The following SLC2A9 variants were observed in gnomAD, a reference collection of about 807,000 sequenced individuals.
The protein encoded by SLC2A9 is solute carrier family 2 member 9.
A neutral mutation model predicts 50.6 loss-of-function variants in SLC2A9; 39 were observed. The ratio of observed to expected loss-of-function variants is 0.77; its 90% CI spans 0.60 to 1.01. The LOEUF is 1.01. SLC2A9 is among the 50% of genes least tolerant of loss of function. SLC2A9 has a pLI of 0.00. For synonymous variants in SLC2A9, 324 were observed against 276.9 expected (o/e 1.17, Z -1.69); for missense variants, 686 against 677.6 (o/e 1.01, Z -0.14).
chr4:9,829,859 A>C (rs1473113711), intron 11 of SLC2A9, among the ~76,000 whole-genome samples: 1 of 152,194 alleles, frequency 6.6e-6, no homozygotes, highest in East Asian at 1.9e-4. Flanking sequence ...AAAGTCAAGA[A>C]ACAACAGATG....
chr4:10,000,880 G>A lies in SLC2A9; in HGVS notation c.250-3939C>T, dbSNP rs552129563. On this transcript the variant is annotated intron_variant, in intron 2 of 11. Transcript: ENST00000264784. ...CTCCAGTTGCTCAGCCAAAAACCAC[G>A]AAGTCATTCTTAACTCCTGCCCTTG... Among the ~76,000 whole-genome samples, 25 of 152,178 alleles carry A rather than the reference G, an allele frequency of 1.6e-4. No individual in the cohort carries two copies. The South Asian group carries it at 2.3e-3, about 14-fold the overall frequency.
downstream of SLC2A9, among the ~76,000 whole-genome samples, chr4:9,823,315 G>A (rs1724663171): frequency 6.6e-6 from 1 of 152,166 alleles, no homozygotes; most frequent in Non-Finnish European, 1.5e-5. Flanking sequence ...GATACAGGGT[G>A]CTGTAAGCGG....
chr4:9,838,608 T>G lies in SLC2A9; in HGVS notation c.1292-3600A>C, dbSNP rs114216739. On this transcript the variant is annotated intron_variant, in intron 10 of 11. Transcript: ENST00000264784. ...CATACTACCTGACTTAAAACAATAC[T>G]ACAGAATTATAGTAACCAAAACAGC... Among the ~76,000 whole-genome samples the G allele has an allele frequency of 5.6e-3, 854 of 152,220 alleles. 9 individuals carry two copies. The highest frequency in any genetic ancestry group is 0.019 in the African/African-American group (807 of 41,546).
At chr4:9,862,340 T>C (rs907184585) in intron 10 of SLC2A9, among the ~76,000 whole-genome samples, 2 of 152,070 alleles carry the variant, frequency 1.3e-5, no homozygotes, top group African/African-American at 4.8e-5. Context: ...CAACGTTCTT[T>C]TCCTTTGTCT....
chr4:9,986,963 A>G (rs1399973071), intron 3 of SLC2A9, among the ~76,000 whole-genome samples: 1 of 152,114 alleles, frequency 6.6e-6, no homozygotes, highest in Non-Finnish European at 1.5e-5. Flanking sequence ...AAAAGCCCAC[A>G]TTTATTGAAC....
At chr4:9,849,430 T>C (rs1426709287) in intron 10 of SLC2A9, among the ~76,000 whole-genome samples, 1 of 152,240 alleles carries the variant, frequency 6.6e-6, no homozygotes, top group Non-Finnish European at 1.5e-5. Context: ...GGATCAGTCA[T>C]GAGACTTAGA....
At chr4:9,874,628 C>T (rs1236328216) in intron 10 of SLC2A9, among the ~76,000 whole-genome samples, 1 of 152,198 alleles carries the variant, frequency 6.6e-6, no homozygotes, top group Non-Finnish European at 1.5e-5. Context: ...GTTGTGTAAT[C>T]CCAGCTGTGT....
At chr4:9,974,237 C>A (rs1358066484) in intron 5 of SLC2A9, among the ~76,000 whole-genome samples, 1 of 152,142 alleles carries the variant, frequency 6.6e-6, no homozygotes, top group South Asian at 2.1e-4. Flanking sequence ...AGACAAGGTG[C>A]CCACTCTCAC....
intron 8 of SLC2A9, among the ~76,000 whole-genome samples, chr4:9,907,196 T>A (rs567010774): frequency 6.6e-6 from 1 of 152,242 alleles, no homozygotes; most frequent in Non-Finnish European, 1.5e-5. Flanking sequence ...GGAGCCTAAC[T>A]GTGTGCTGTG....
chr4:9,839,779 GAACA>G (rs1727727506), intron 10 of SLC2A9, among the ~76,000 whole-genome samples: 1 of 152,088 alleles, frequency 6.6e-6, no homozygotes, highest in Non-Finnish European at 1.5e-5. Context: ...TAAATGATGA[GAACA>G]AATGGACACA....
At chr4:9,830,796 C>G (rs1726005498) in intron 11 of SLC2A9, among the ~76,000 whole-genome samples, 1 of 152,208 alleles carries the variant, frequency 6.6e-6, no homozygotes, top group Non-Finnish European at 1.5e-5. Flanking sequence ...CCAAGCAACA[C>G]TGATGCTGAC....
intron 5 of SLC2A9, among the ~76,000 whole-genome samples, chr4:9,969,254 T>C (rs769393482): frequency 6.6e-6 from 1 of 152,196 alleles, no homozygotes; most frequent in Non-Finnish European, 1.5e-5. Flanking sequence ...TCTAAAATGG[T>C]AATAAAACTC....
chr4:9,890,767 G>A (rs1158270091), intron 8 of SLC2A9, 56 bp from the exon 9 acceptor site: 5 of 1,489,882 alleles, frequency 3.4e-6, no homozygotes, highest in Admixed American at 3.5e-5. Flanking sequence ...AACCACAACA[G>A]GGGAATGTGG....
chr4:9,920,347 C>T, intron 7 of SLC2A9, 38 bp downstream of exon 7: 1 of 1,610,944 alleles, frequency 6.2e-7, no homozygotes, highest in Non-Finnish European at 8.5e-7. Context: ...CTGATCCCTC[C>T]AGTCATGCAA....
At chr4:9,838,803 C>T (rs1577466203) in intron 10 of SLC2A9, among the ~76,000 whole-genome samples, 1 of 152,046 alleles carries the variant, frequency 6.6e-6, no homozygotes, top group African/African-American at 2.4e-5. Flanking sequence ...TAGCCATTTG[C>T]AGAAGATTGA....
At chr4:9,792,099 G>GA (rs1310660413) in intron 3 of SLC2A9, among the ~76,000 whole-genome samples, 2 of 150,384 alleles carry the variant, frequency 1.3e-5, no homozygotes, top group African/African-American at 4.9e-5. Flanking sequence ...TGTTTGATTT[G>GA]AAAGCCTGTG....
At chr4:9,912,902 G>C (rs778692957) in intron 7 of SLC2A9, among the ~76,000 whole-genome samples, 4 of 152,202 alleles carry the variant, frequency 2.6e-5, no homozygotes, top group Non-Finnish European at 5.9e-5. Context: ...CTTAAAGAGG[G>C]AGTCAGGAGG....
At chr4:9,843,734 G>C (rs1728469432) in intron 10 of SLC2A9, among the ~76,000 whole-genome samples, 1 of 152,134 alleles carries the variant, frequency 6.6e-6, no homozygotes, top group Non-Finnish European at 1.5e-5. Context: ...TTGTGTCTGA[G>C]GTGTGATGAA....
At chr4:9,801,705 C>T (rs535898826) in intron 3 of SLC2A9, among the ~76,000 whole-genome samples, 27 of 152,280 alleles carry the variant, frequency 1.8e-4, no homozygotes, top group African/African-American at 6.3e-4. Flanking sequence ...CATCAGGGTG[C>T]CCAGGAACTG....
Sources: gnomAD v4.1 joint callset for allele counts (sites outside exome capture counted in the v4.1 genomes callset) on GRCh38, gnomAD v4.1.1 for gene constraint, MANE v1.5 for transcripts, NCBI Gene and HGNC (gene_info 2026-07-23, HGNC 2026-07-21) for gene names.